The following ZFAT variants were observed in gnomAD, a reference collection of about 807,000 sequenced individuals.
The protein encoded by ZFAT is zinc finger protein ZFAT.
In ZFAT, 64 loss-of-function variants were observed where a neutral mutation model predicts 117.7. That is an observed-to-expected ratio of 0.54 (90% confidence interval 0.44 to 0.67). ZFAT has a LOEUF of 0.67. Ranked by LOEUF, ZFAT falls within the 30% of genes least tolerant of loss-of-function variation. The probability of loss-of-function intolerance (pLI) is 0.00; values close to 1 mark genes in which losing one functional copy is unlikely to be tolerated. For synonymous variants in ZFAT, 679 were observed against 615.0 expected, an observed-to-expected ratio of 1.10 and a Z score of -1.54; for missense variants, 1,433 against 1,584.5, an observed-to-expected ratio of 0.90 and a Z score of 1.62.
chr8:134,624,160 G>A (rs576594591), intron 3 of ZFAT, among the ~76,000 whole-genome samples: 3 of 147,618 alleles, frequency 2.0e-5, no homozygotes, highest in Non-Finnish European at 3.0e-5. Context: ...AGCCCCTAAC[G>A]TGCAGGCACA....
intron 1 of ZFAT, among the ~76,000 whole-genome samples, chr8:134,712,357 A>T (rs1814032907): frequency 6.6e-6 from 1 of 152,190 alleles, no homozygotes; most frequent in Admixed American, 6.5e-5. Context: ...CTCAAGGTTA[A>T]ATGACTTGCA....
At chr8:134,818,849 G>T in the ZFAT span, among the ~76,000 whole-genome samples, 1 of 152,184 alleles carries the variant, frequency 6.6e-6, no homozygotes, top group East Asian at 1.9e-4. Context: ...CAAAAGGAGT[G>T]CATATTGTAT....
intron 11 of ZFAT, among the ~76,000 whole-genome samples, chr8:134,563,241 G>A (rs896467781): frequency 6.6e-6 from 1 of 152,172 alleles, no homozygotes; most frequent in Non-Finnish European, 1.5e-5. Context: ...CAGTCAGTAC[G>A]GGTGGTTTTA....
At chr8:134,480,894 G>A (rs1817255796) in intron 15 of ZFAT, among the ~76,000 whole-genome samples, 1 of 152,206 alleles carries the variant, frequency 6.6e-6, no homozygotes, top group Non-Finnish European at 1.5e-5. Flanking sequence ...GAGAAGGGCT[G>A]TGTCAAAAGG....
At chr8:134,634,978 G>A (rs917656926) in intron 3 of ZFAT, among the ~76,000 whole-genome samples, 30 of 152,326 alleles carry the variant, frequency 2.0e-4, no homozygotes, top group Middle Eastern at 6.8e-3. Context: ...AGCACGCAAC[G>A]TAGATCCCTG....
At chr8:134,498,343 G>A (rs1212916469) in intron 15 of ZFAT, among the ~76,000 whole-genome samples, 29 of 145,558 alleles carry the variant, frequency 2.0e-4, no homozygotes, top group African/African-American at 7.2e-4. Context: ...GGATGCCCCC[G>A]TTGCTGGTTA....
At chr8:134,501,619 T>C (rs1160854061) in intron 15 of ZFAT, among the ~76,000 whole-genome samples, 1 of 152,126 alleles carries the variant, frequency 6.6e-6, no homozygotes, top group Non-Finnish European at 1.5e-5. Flanking sequence ...GCTATTGTAA[T>C]GTACCACACA....
the ZFAT span, among the ~76,000 whole-genome samples, chr8:134,754,347 C>T: frequency 1.6e-3 from 238 of 152,290 alleles, no homozygotes; most frequent in African/African-American, 5.4e-3. Flanking sequence ...ATTTATAGCT[C>T]ATCTAGTAAT....
In ZFAT at chr8:134,657,545, C is replaced by T. The variant is rs753937469; in HGVS notation, c.196+16G>A. The stretch of plus-strand genomic sequence containing the variant: ...TGTGTCAGAAGGTATCCTGCCCCAC[C>T]CCCCAGCCCCCTTACCATCTCCGGT... On this transcript the variant is annotated intron_variant, in intron 2 of 15. Coordinates refer to ENST00000377838, the MANE Select transcript of ZFAT (RefSeq NM_020863.4). The T allele has an allele frequency of 8.4e-5, 134 of 1,589,434 alleles. No homozygotes were observed. Among genetic ancestry groups the T allele is most frequent in the Non-Finnish European group, 1.1e-4 (126 of 1,164,960 alleles).
the ZFAT span, among the ~76,000 whole-genome samples, chr8:134,764,608 T>C: frequency 2.0e-5 from 3 of 152,246 alleles, no homozygotes; most frequent in Non-Finnish European, 4.4e-5. Flanking sequence ...GGCTCACTGA[T>C]ATAATAAATC....
chr8:134,559,451 C>A (rs1229741265), intron 11 of ZFAT, among the ~76,000 whole-genome samples: 1 of 152,208 alleles, frequency 6.6e-6, no homozygotes, highest in African/African-American at 2.4e-5. Flanking sequence ...GCCTATTTAA[C>A]CCTTACCCTA....
intron 1 of ZFAT, among the ~76,000 whole-genome samples, chr8:134,686,267 C>A (rs957695624): frequency 3.3e-5 from 5 of 152,202 alleles, no homozygotes; most frequent in African/African-American, 9.6e-5. Context: ...ATAAGCCTAA[C>A]CCAGGGTCCA....
intron 2 of ZFAT, among the ~76,000 whole-genome samples, chr8:134,638,048 T>G (rs1830334940): frequency 6.6e-6 from 1 of 152,176 alleles, no homozygotes; most frequent in Admixed American, 6.5e-5. Flanking sequence ...AAGCACCATT[T>G]CCACTGAAAT....
chr8:134,685,995 C>T (rs369252618), intron 1 of ZFAT, among the ~76,000 whole-genome samples: 1 of 152,152 alleles, frequency 6.6e-6, no homozygotes. Context: ...GGGCTACAAC[C>T]CAAACACACA....
chr8:134,543,167 C>T (rs1414730061), intron 11 of ZFAT, among the ~76,000 whole-genome samples: 1 of 151,840 alleles, frequency 6.6e-6, no homozygotes, highest in Non-Finnish European at 1.5e-5. Flanking sequence ...ATGACCTGCC[C>T]ACACCTCTCT....
intron 3 of ZFAT, among the ~76,000 whole-genome samples, 156 bp downstream of exon 3, chr8:134,637,305 A>G (rs17698962): frequency 0.18 from 27,105 of 152,250 alleles, 2,604 homozygotes; most frequent in Non-Finnish European, 0.23. Context: ...ACTTACGGTA[A>G]TAGTCATCAT....
rs752636326 is a variant in ZFAT at position 134,565,392 on chromosome 8, A to G, written c.2917T>C (p.Tyr973His). Residue 973 changes from tyrosine (Y) to histidine (H), a missense_variant, in exon 11 of 16, where the codon TAC (tyrosine) becomes CAC (histidine). This residue lies in a region of ZFAT where 503 missense variants were observed against 543.4 expected (regional missense o/e 0.93). Transcript: ENST00000377838. Reference protein sequence around the residue: ...GKQFKCTVCDYTAAQKPQLLR... With the variant: ...GKQFKCTVCDHTAAQKPQLLR... ...AGCTGTGGCTTCTGGGCCGCTGTGT[A>G]GTCACACACCGTGCACTTAAACTGC... The G allele has an allele frequency of 1.2e-6, 2 of 1,613,668 alleles. No homozygotes were observed. Among genetic ancestry groups the G allele is most frequent in the African/African-American group, 1.3e-5 (1 of 74,924 alleles).
At chr8:134,668,373 C>T (rs898573401) in intron 1 of ZFAT, among the ~76,000 whole-genome samples, 3 of 152,210 alleles carry the variant, frequency 2.0e-5, no homozygotes, top group Non-Finnish European at 4.4e-5. Context: ...AGACTGACAC[C>T]TCACATAGCT....
intron 2 of ZFAT, among the ~76,000 whole-genome samples, chr8:134,650,609 T>C (rs1831179355): frequency 6.6e-6 from 1 of 152,152 alleles, no homozygotes; most frequent in African/African-American, 2.4e-5. Flanking sequence ...AAAACAATCT[T>C]GATAAAGAAG....
Sources: allele counts gnomAD v4.1 joint callset (sites outside exome capture counted in the v4.1 genomes callset), GRCh38; gene constraint gnomAD v4.1.1; regional missense constraint gnomAD v4.1.1; transcripts MANE v1.5; gene names NCBI Gene and HGNC (gene_info 2026-07-23, HGNC 2026-07-21).